Variants in HSD17B2 observed in about 807,000 individuals in gnomAD.
The protein encoded by HSD17B2 is hydroxysteroid 17-beta dehydrogenase 2, also known as 17-beta-hydroxysteroid dehydrogenase type 2.
HSD17B2 carries 32 observed loss-of-function variants against 26.9 expected under a neutral mutation model. The observed-to-expected ratio is 1.19, with a 90% CI of 0.90 to 1.60. HSD17B2 has a LOEUF of 1.60. Ranked by LOEUF, HSD17B2 falls within the 40% of genes most tolerant of loss-of-function variation. HSD17B2 has a pLI of 0.00. For missense variants in HSD17B2, 613 were observed against 468.6 expected (o/e 1.31, Z -2.85); for synonymous variants, 246 against 186.7 (o/e 1.32, Z -2.59).
At chr16:82,068,146 C>T in intron 1 of HSD17B2, 24 bp from the exon 2 acceptor site, 6 of 1,605,810 alleles carry the variant, frequency 3.7e-6, no homozygotes, top group Non-Finnish European at 5.1e-6. Context: ...TGACCTCACT[C>T]CCTACTCCCC....
At chr16:82,061,331 T>C (rs1003914097) in intron 1 of HSD17B2, among the ~76,000 whole-genome samples, 2 of 152,162 alleles carry the variant, frequency 1.3e-5, no homozygotes, top group Admixed American at 6.5e-5. Context: ...CTTGTTCCAA[T>C]TACTTTAATA....
At chr16:82,062,861 G>C (rs139287957) in intron 1 of HSD17B2, among the ~76,000 whole-genome samples, 269 of 152,332 alleles carry the variant, frequency 1.8e-3, no homozygotes, top group African/African-American at 6.3e-3. Context: ...TCCTCAAGGA[G>C]TGATTCCTTA....
At chr16:82,083,477 TATAAG>T (rs1904436247) in intron 3 of HSD17B2, among the ~76,000 whole-genome samples, 1 of 152,140 alleles carries the variant, frequency 6.6e-6, no homozygotes, top group African/African-American at 2.4e-5. Flanking sequence ...GCCTCCTCAT[TATAAG>T]ATAAGGATAA....
chr16:82,060,746 A>C (rs1230709202), intron 1 of HSD17B2, among the ~76,000 whole-genome samples: 1 of 152,104 alleles, frequency 6.6e-6, no homozygotes, highest in Non-Finnish European at 1.5e-5. Context: ...CCTCCACCTT[A>C]AGCTGCTGGT....
intron 1 of HSD17B2, among the ~76,000 whole-genome samples, chr16:82,064,856 C>T (rs1914534137): frequency 6.6e-6 from 1 of 152,140 alleles, no homozygotes; most frequent in Admixed American, 6.5e-5. Flanking sequence ...AGGACTTAGC[C>T]CATATCTCCA....
At chr16:82,036,077 T>C (rs1913616401) in intron 1 of HSD17B2, among the ~76,000 whole-genome samples, 1 of 152,218 alleles carries the variant, frequency 6.6e-6, no homozygotes, top group African/African-American at 2.4e-5. Context: ...CCTGGACTCT[T>C]CTTCCCTAGG....
intron 1 of HSD17B2, among the ~76,000 whole-genome samples, chr16:82,039,914 C>G (rs916895879): frequency 3.3e-5 from 5 of 152,132 alleles, no homozygotes; most frequent in African/African-American, 1.2e-4. Context: ...GGATCCCAGG[C>G]AGACACAGGT....
chr16:82,079,273 TC>T (rs1904324843), intron 3 of HSD17B2, among the ~76,000 whole-genome samples: 1 of 152,220 alleles, frequency 6.6e-6, no homozygotes, highest in South Asian at 2.1e-4. Context: ...AGACAAGGTG[TC>T]TTCAGAAAAC....
Position 82,086,368 on chromosome 16 carries a change from C to T in HSD17B2, c.665-4534C>T, listed in dbSNP as rs571719502. 5.9e-5 allele frequency among the ~76,000 whole-genome samples: 9 copies of T among 152,238 alleles called. No individual in the cohort carries two copies. In the South Asian group the frequency reaches 1.2e-3, roughly 21 times the overall value. On this transcript the variant is annotated intron_variant, in intron 3 of 4. Coordinates refer to ENST00000199936, the MANE Select transcript of HSD17B2 (RefSeq NM_002153.3). ...GAAAACATGATGCTAAGTACACATA[C>T]GGTGGGGAGAGAGAGGGTCTTCACA...
chr16:82,087,591 C>T (rs145254110), intron 3 of HSD17B2, among the ~76,000 whole-genome samples: 165 of 152,308 alleles, frequency 1.1e-3, no homozygotes, highest in South Asian at 1.9e-3. Flanking sequence ...TGATTCAAAG[C>T]ATGCTTTTTG....
intron 1 of HSD17B2, chr16:82,063,217 C>G (rs1914490298): frequency 6.6e-6 from 1 of 152,156 alleles, no homozygotes; most frequent in Admixed American, 6.5e-5. Context: ...TCAGTAGAGG[C>G]AAACTCTACA....
intron 3 of HSD17B2, among the ~76,000 whole-genome samples, chr16:82,078,941 G>C (rs1384592541): frequency 1.3e-5 from 2 of 152,114 alleles, no homozygotes; most frequent in African/African-American, 4.8e-5. Flanking sequence ...TAGAACGAAT[G>C]AATAAGATGT....
chr16:82,089,621 G>A lies in HSD17B2; in HGVS notation c.665-1281G>A, dbSNP rs8191212. 6.5e-3 allele frequency among the ~76,000 whole-genome samples: 994 copies of A among 152,302 alleles called. 14 individuals carry two copies. The highest frequency in any genetic ancestry group is 0.022 in the African/African-American group (909 of 41,570). On this transcript the variant is annotated intron_variant, in intron 3 of 4. Coordinates refer to ENST00000199936, the MANE Select transcript of HSD17B2 (RefSeq NM_002153.3). ...TTTTCTTTCGTAGTTCTGGAGGCCA[G>A]ATGTCTAAACCAAGTGTTAGCAGGG...
At chr16:82,042,421 G>A (rs1437215378) in intron 1 of HSD17B2, among the ~76,000 whole-genome samples, 1 of 152,192 alleles carries the variant, frequency 6.6e-6, no homozygotes, top group Non-Finnish European at 1.5e-5. Flanking sequence ...ACTTGGTGGA[G>A]GGTGGTAAGT....
chr16:82,052,233 T>C (rs193265657), intron 1 of HSD17B2: 14 of 152,370 alleles, frequency 9.2e-5, no homozygotes, highest in Non-Finnish European at 2.1e-4. Flanking sequence ...CCCCTCTCTG[T>C]TGTTCAGGTG....
At chr16:82,069,430 G>A (rs1365825722) in intron 2 of HSD17B2, among the ~76,000 whole-genome samples, 13 of 152,224 alleles carry the variant, frequency 8.5e-5, no homozygotes, top group East Asian at 5.8e-4. Flanking sequence ...ATGTATACCC[G>A]GTAATGGGAT....
Position 82,035,475 on chromosome 16 carries a change from A to G in HSD17B2, c.51A>G (p.Thr17=), listed in dbSNP as rs145984021. The G allele has an allele frequency of 1.7e-5, 27 of 1,613,806 alleles. No individual in the cohort carries two copies. The highest frequency in any genetic ancestry group is 2.3e-5 in the Non-Finnish European group (27 of 1,179,924). Residue 17 remains threonine (T), a synonymous_variant, in exon 1 of 5, where the codon ACA becomes ACG. Transcript: ENST00000199936. The stretch of plus-strand genomic sequence containing the variant: ...CATGGATCTGCCTGGCTGTCCCCAC[A>G]GTACTATGTGGGACAGTATTTTGCA... ...DTAWICLAVP[T]VLCGTVFCKY...
rs763325262 is a variant in HSD17B2 at position 82,035,387 on chromosome 16, T to C, written c.-38T>C. Reference sequence around the variant, plus strand: ...GCCAGCCTTTGCCCGCTAGACTCACTGGCCCTGAGCACTTGAAGGTGCAGC... The same window carrying C: ...GCCAGCCTTTGCCCGCTAGACTCACCGGCCCTGAGCACTTGAAGGTGCAGC... On this transcript the variant is annotated 5_prime_UTR_variant, in exon 1 of 5. Transcript: ENST00000199936. 1.1e-5 allele frequency: 17 copies of C among 1,587,338 alleles called. 2 individuals carry two copies. Among genetic ancestry groups the C allele is most frequent in the Middle Eastern group, 2.2e-4 (1 of 4,490 alleles).
At chr16:82,050,546 G>A (rs1424145008) in intron 1 of HSD17B2, among the ~76,000 whole-genome samples, 1 of 151,932 alleles carries the variant, frequency 6.6e-6, no homozygotes, top group Non-Finnish European at 1.5e-5. Context: ...TCTGGCTTAA[G>A]ACCCATCAAA....
Sources: gnomAD v4.1 joint callset for allele counts (sites outside exome capture counted in the v4.1 genomes callset) on GRCh38, gnomAD v4.1.1 for gene constraint, MANE v1.5 for transcripts, NCBI Gene and HGNC (gene_info 2026-07-23, HGNC 2026-07-21) for gene names.